Variants in CLEC16A observed in about 807,000 individuals in gnomAD.
CLEC16A encodes the protein C-type lectin domain containing 16A.
In CLEC16A, 51 loss-of-function variants were observed where a neutral mutation model predicts 109.5. The observed-to-expected ratio is 0.47, with a 90% confidence interval of 0.37 to 0.59. The LOEUF (loss-of-function observed/expected upper bound fraction) is 0.59. Ranked by LOEUF, CLEC16A falls within the 20% of genes least tolerant of loss-of-function variation. CLEC16A has a pLI of 0.00. For synonymous variants in CLEC16A, 673 were observed against 564.2 expected (o/e 1.19, Z -2.73); for missense variants, 1,339 against 1,394.0 (o/e 0.96, Z 0.63).
intron 19 of CLEC16A, among the ~76,000 whole-genome samples, chr16:11,068,282 G>A (rs540669681): frequency 6.6e-6 from 1 of 152,326 alleles, no homozygotes; most frequent in East Asian, 1.9e-4. Flanking sequence ...TCCTCAGGCA[G>A]GTGGGCCCAC....
At chr16:11,051,452 G>A (rs1303219844) in intron 17 of CLEC16A, 61 bp from the exon 18 acceptor site, 8 of 1,567,434 alleles carry the variant, frequency 5.1e-6, no homozygotes, top group South Asian at 1.1e-5. Flanking sequence ...AACCTCCCCC[G>A]GCCCCTTCCT....
chr16:10,979,295 ATC>A (rs150355469), intron 8 of CLEC16A, 32 bp from the exon 9 acceptor site: 2,113 of 1,499,360 alleles, frequency 1.4e-3, no homozygotes, highest in Admixed American at 2.2e-3. Flanking sequence ...GTGTGACCTG[ATC>A]TCTCTCTCTC....
At chr16:11,111,066 C>G (rs963395592) in intron 19 of CLEC16A, among the ~76,000 whole-genome samples, 1 of 151,958 alleles carries the variant, frequency 6.6e-6, no homozygotes, top group Non-Finnish European at 1.5e-5. Flanking sequence ...AGTTGTTTCT[C>G]TAGGCCAGTC....
intron 13 of CLEC16A, among the ~76,000 whole-genome samples, chr16:11,026,316 A>C (rs1029091152): frequency 6.6e-6 from 1 of 152,222 alleles, no homozygotes; most frequent in Admixed American, 6.5e-5. Context: ...GAAGGTTTTT[A>C]ACCACTCAAT....
At chr16:11,153,198 A>G (rs1335940438) in intron 22 of CLEC16A, among the ~76,000 whole-genome samples, 1 of 152,182 alleles carries the variant, frequency 6.6e-6, no homozygotes, top group Non-Finnish European at 1.5e-5. Context: ...TGGGTTCTGT[A>G]AAACGGAGCC....
chr16:11,013,017 C>A (rs1413921923), intron 11 of CLEC16A, among the ~76,000 whole-genome samples: 1 of 152,116 alleles, frequency 6.6e-6, no homozygotes, highest in East Asian at 1.9e-4. Context: ...AACTCACACG[C>A]CCCCACACTC....
At chr16:11,062,108 C>T (rs2048513048) in intron 19 of CLEC16A, among the ~76,000 whole-genome samples, 1 of 151,302 alleles carries the variant, frequency 6.6e-6, no homozygotes, top group African/African-American at 2.4e-5. Context: ...CACTGATTGT[C>T]TAAGCTGGGG....
chr16:11,132,052 G>A (rs1199043665), intron 22 of CLEC16A, among the ~76,000 whole-genome samples: 6 of 152,168 alleles, frequency 3.9e-5, no homozygotes, highest in Admixed American at 1.3e-4. Flanking sequence ...TTCTCTGCAC[G>A]GCAGCTTGTT....
chr16:11,169,957 T>C (rs1389330380), intron 23 of CLEC16A, among the ~76,000 whole-genome samples: 1 of 152,170 alleles, frequency 6.6e-6, no homozygotes, highest in Admixed American at 6.5e-5. Flanking sequence ...CCGCCTCACA[T>C]TGTACAGTAG....
At chr16:11,172,013 C>T (rs1013521096) in intron 23 of CLEC16A, among the ~76,000 whole-genome samples, 2 of 152,142 alleles carry the variant, frequency 1.3e-5, no homozygotes, top group African/African-American at 4.8e-5. Flanking sequence ...CACACACTCA[C>T]ACTTACAAAT....
intron 13 of CLEC16A, among the ~76,000 whole-genome samples, chr16:11,033,327 C>T (rs952952686): frequency 2.6e-5 from 4 of 152,098 alleles, no homozygotes; most frequent in African/African-American, 7.2e-5. Context: ...CTGGGTAAGG[C>T]TCAGGTTCCT....
intron 19 of CLEC16A, among the ~76,000 whole-genome samples, chr16:11,110,970 T>A (rs1481096051): frequency 4.6e-5 from 7 of 152,194 alleles, no homozygotes. Context: ...ATCTTAAAGT[T>A]GTGTTGGGAA....
chr16:10,962,830 G>A (rs2042315169), intron 3 of CLEC16A, among the ~76,000 whole-genome samples: 2 of 152,116 alleles, frequency 1.3e-5, no homozygotes, highest in Non-Finnish European at 2.9e-5. Context: ...GGCCAAGGTG[G>A]GCAGATCACT....
At chr16:10,992,217 T>C (rs2044060550) in intron 10 of CLEC16A, among the ~76,000 whole-genome samples, 1 of 152,060 alleles carries the variant, frequency 6.6e-6, no homozygotes, top group African/African-American at 2.4e-5. Context: ...CAGATCTCAC[T>C]CCTCCTGTCT....
intron 22 of CLEC16A, among the ~76,000 whole-genome samples, chr16:11,152,714 G>A (rs1456132309): frequency 1.3e-5 from 2 of 152,176 alleles, no homozygotes; most frequent in Non-Finnish European, 2.9e-5. Flanking sequence ...CACCACTGTG[G>A]TCCCAAATAA....
chr16:11,106,590 A>G (rs972086680), intron 19 of CLEC16A, among the ~76,000 whole-genome samples: 8 of 151,630 alleles, frequency 5.3e-5, no homozygotes, highest in Middle Eastern at 3.4e-3. Flanking sequence ...GCCTCAAGCA[A>G]TCCTCCTGCC....
intron 19 of CLEC16A, among the ~76,000 whole-genome samples, chr16:11,117,381 T>G (rs2052075026): frequency 6.6e-6 from 1 of 152,242 alleles, no homozygotes; most frequent in South Asian, 2.1e-4. Context: ...CAGAGGCTTC[T>G]GTTAATGTTT....
intron 19 of CLEC16A, among the ~76,000 whole-genome samples, chr16:11,069,584 C>T (rs913220541): frequency 1.2e-4 from 18 of 151,090 alleles, no homozygotes; most frequent in African/African-American, 3.9e-4. Context: ...ATCACAGTTT[C>T]GTGCCACCAT....
intron 19 of CLEC16A, among the ~76,000 whole-genome samples, chr16:11,091,872 C>A (rs1242538177): frequency 6.6e-6 from 1 of 152,074 alleles, no homozygotes; most frequent in African/African-American, 2.4e-5. Flanking sequence ...CCCCACTTTT[C>A]TTTGCAGGAA....
Sources: gnomAD v4.1 joint callset for allele counts (sites outside exome capture counted in the v4.1 genomes callset) on GRCh38, gnomAD v4.1.1 for gene constraint, MANE v1.5 for transcripts, NCBI Gene and HGNC (gene_info 2026-07-23, HGNC 2026-07-21) for gene names.